Variants in WDR59 observed in about 807,000 individuals in gnomAD.
WDR59 encodes GATOR2 complex protein WDR59.
In WDR59, 100 loss-of-function variants were observed where a neutral mutation model predicts 131.2. The observed-to-expected ratio is 0.76, with a 90% confidence interval of 0.65 to 0.90. The LOEUF (loss-of-function observed/expected upper bound fraction) is 0.90, where lower values mean the gene tolerates loss of function less well. WDR59 is among the 40% of genes least tolerant of loss of function. WDR59 has a pLI of 0.00. For missense variants in WDR59, 1,203 were observed against 1,262.2 expected (o/e 0.95, Z 0.71); for synonymous variants, 601 against 466.2 (o/e 1.29, Z -3.72).
Position 74,926,219 on chromosome 16 carries a change from C to T in WDR59, c.652-2216G>A, listed in dbSNP as rs571130485. Among the ~76,000 whole-genome samples the T allele has an allele frequency of 5.7e-4, 87 of 152,064 alleles. 1 individual carries two copies. Among genetic ancestry groups the T allele is most frequent in the African/African-American group, 1.9e-3 (79 of 41,478 alleles). Reference sequence around the variant, plus strand: ...GGATTACAGGCACGCACCACCACGCCTGGCTAATTTTTTGTATTTTTAGTA... The same window carrying T: ...GGATTACAGGCACGCACCACCACGCTTGGCTAATTTTTTGTATTTTTAGTA... On this transcript the variant is annotated intron_variant, in intron 8 of 25. Transcript: ENST00000262144.
chr16:74,944,247 C>T (rs542626361), intron 6 of WDR59, among the ~76,000 whole-genome samples: 1 of 152,220 alleles, frequency 6.6e-6, no homozygotes, highest in South Asian at 2.1e-4. Context: ...AGGCGGATTA[C>T]CTGAGGTCAG....
chr16:74,893,602 C>A (rs925634993), intron 19 of WDR59, 77 bp downstream of exon 19: 5 of 1,474,774 alleles, frequency 3.4e-6, no homozygotes, highest in Non-Finnish European at 4.6e-6. Context: ...GAAAGGATTC[C>A]CACACTCAAA....
At chr16:74,946,916 C>T (rs749484804) in intron 6 of WDR59, among the ~76,000 whole-genome samples, 7 of 146,118 alleles carry the variant, frequency 4.8e-5, no homozygotes, top group Admixed American at 2.1e-4. Flanking sequence ...GAGATACAAA[C>T]GGACAGAATT....
intron 18 of WDR59, among the ~76,000 whole-genome samples, chr16:74,899,911 C>G (rs538472861): frequency 2.0e-5 from 3 of 152,304 alleles, no homozygotes; most frequent in South Asian, 2.1e-4. Context: ...ACTAAAAAAT[C>G]TGAACCTAAG....
At chr16:74,932,709 C>T (rs138071581) in intron 8 of WDR59, among the ~76,000 whole-genome samples, 11 of 151,540 alleles carry the variant, frequency 7.3e-5, no homozygotes, top group Admixed American at 7.2e-4. Flanking sequence ...GGCTGGTCTC[C>T]ACCTCCTGGG....
chr16:74,962,603 T>C (rs1163546289), intron 2 of WDR59, among the ~76,000 whole-genome samples: 4 of 152,066 alleles, frequency 2.6e-5, no homozygotes, highest in Non-Finnish European at 5.9e-5. Flanking sequence ...TGTTGGTGTA[T>C]AGGAATGCTT....
intron 10 of WDR59, among the ~76,000 whole-genome samples, chr16:74,921,329 G>A (rs530957496): frequency 6.6e-6 from 1 of 151,846 alleles, no homozygotes; most frequent in East Asian, 1.9e-4. Flanking sequence ...ATAGTAACTC[G>A]TACTCAAAAT....
At chr16:74,951,317 A>T in intron 4 of WDR59, 141 bp downstream of exon 4, 1 of 749,454 alleles carries the variant, frequency 1.3e-6, no homozygotes, top group Non-Finnish European at 2.3e-6. Flanking sequence ...CATCTCAGTG[A>T]ATGCTAATAA....
intron 8 of WDR59, among the ~76,000 whole-genome samples, chr16:74,933,804 C>T (rs577515664): frequency 2.0e-5 from 3 of 152,320 alleles, no homozygotes; most frequent in South Asian, 4.1e-4. Context: ...GGGCTAGTCA[C>T]GAACTTCTGA....
At position 74,956,546 on chromosome 16, in the gene WDR59, G is replaced by A; in HGVS notation, c.169C>T (p.Gln57Ter). The A allele has an allele frequency of 1.2e-6, 2 of 1,614,058 alleles. No homozygotes were observed. Among genetic ancestry groups the A allele is most frequent in the Non-Finnish European group, 1.7e-6 (2 of 1,179,992 alleles). ...PFEGHRKISR[Q>*]SKWDIGAVQW... ...ACAGCTCCAATGTCCCATTTGCTCT[G>A]GCGAGAGATCTTTCGGTGACCTTCG... The change falls in exon 3 of 26, where the codon CAG becomes TAG. Residue 57 changes from glutamine to a stop codon, truncating the protein, a stop_gained. Transcript: ENST00000262144. LOFTEE classifies it high-confidence loss of function.
chr16:74,955,099 T>C (rs2033217094), intron 3 of WDR59, among the ~76,000 whole-genome samples: 1 of 152,232 alleles, frequency 6.6e-6, no homozygotes, highest in East Asian at 1.9e-4. Context: ...CACTTTAAAA[T>C]GATTAATTGT....
chr16:74,969,730 G>A (rs996397348), intron 1 of WDR59, among the ~76,000 whole-genome samples: 1 of 150,850 alleles, frequency 6.6e-6, no homozygotes, highest in South Asian at 2.1e-4. Context: ...CACCACGCCC[G>A]GCTCATTTTT....
At position 74,909,497 on chromosome 16, in the gene WDR59, C is replaced by G. The variant is rs1965977425; in HGVS notation, c.1642+4G>C. 1 of 1,547,290 alleles carries G rather than the reference C, an allele frequency of 6.5e-7. No homozygotes were observed. Among genetic ancestry groups the G allele is most frequent in the East Asian group, 2.3e-5 (1 of 43,520 alleles). On this transcript the variant is annotated splice_donor_region_variant and intron_variant, in intron 16 of 25. Transcript: ENST00000262144. ...TCTAGAATCAAAGAACCAAAGAGAC[C>G]CACCTGCTCCGCAGAACCTGGCCCC...
intron 25 of WDR59, among the ~76,000 whole-genome samples, chr16:74,881,809 G>A (rs978329822): frequency 1.3e-5 from 2 of 148,774 alleles, no homozygotes; most frequent in Non-Finnish European, 3.0e-5. Context: ...GGAGGGGGAG[G>A]TTGCAGTGAC....
chr16:74,977,484 C>T (rs1223842015), intron 1 of WDR59, among the ~76,000 whole-genome samples: 1 of 151,790 alleles, frequency 6.6e-6, no homozygotes, highest in Non-Finnish European at 1.5e-5. Context: ...GTCAGGAGAT[C>T]GAGACCATCC....
chr16:74,983,665 A>G (rs146047091), intron 1 of WDR59, among the ~76,000 whole-genome samples: 283 of 152,120 alleles, frequency 1.9e-3, no homozygotes, highest in African/African-American at 3.7e-3. Flanking sequence ...CACATCCTCA[A>G]CATACAACCA....
intron 8 of WDR59, among the ~76,000 whole-genome samples, chr16:74,931,582 C>T (rs1190864045): frequency 1.3e-5 from 2 of 152,096 alleles, no homozygotes; most frequent in Non-Finnish European, 2.9e-5. Context: ...AGCAATCTGC[C>T]CGCTTCAGCC....
chr16:74,905,344 C>T (rs1310203350), intron 17 of WDR59, among the ~76,000 whole-genome samples: 2 of 151,730 alleles, frequency 1.3e-5, no homozygotes, highest in African/African-American at 2.4e-5. Flanking sequence ...CATTGCACTC[C>T]AGCCTGGGCA....
intron 9 of WDR59, among the ~76,000 whole-genome samples, chr16:74,923,572 G>A (rs921803676): frequency 1.8e-4 from 27 of 152,012 alleles, no homozygotes; most frequent in Non-Finnish European, 2.9e-4. Flanking sequence ...CTGCCTCCCG[G>A]GTTCAAGCGA....
Sources: allele counts gnomAD v4.1 joint callset (sites outside exome capture counted in the v4.1 genomes callset), GRCh38; gene constraint gnomAD v4.1.1; transcripts MANE v1.5; gene names NCBI Gene and HGNC (gene_info 2026-07-23, HGNC 2026-07-21).